Variants in AGBL1 observed in about 807,000 individuals in gnomAD.
The protein encoded by AGBL1 is AGBL carboxypeptidase 1.
A neutral mutation model predicts 118.9 loss-of-function variants in AGBL1; 130 were observed. That is an observed-to-expected ratio of 1.09 (90% confidence interval 0.95 to 1.26). The LOEUF is 1.26. AGBL1 is among the 50% of genes most tolerant of loss of function. The pLI is 0.00. For synonymous variants in AGBL1, 555 were observed against 478.9 expected (o/e 1.16, Z -2.08); for missense variants, 1,584 against 1,298.1 (o/e 1.22, Z -3.38).
intron 22 of AGBL1, among the ~76,000 whole-genome samples, chr15:86,681,651 C>A (rs1030481869): frequency 6.6e-6 from 1 of 152,194 alleles, no homozygotes. Flanking sequence ...TCATGACTTA[C>A]AATTAGTCAA....
At chr15:86,310,340 T>C (rs954568898) in intron 17 of AGBL1, among the ~76,000 whole-genome samples, 14 of 152,208 alleles carry the variant, frequency 9.2e-5, no homozygotes, top group African/African-American at 3.4e-4. Context: ...TAAAGGTTTG[T>C]CAATTTTGTT....
intron 16 of AGBL1, 47 bp downstream of exon 16, chr15:86,279,830 T>C: frequency 6.3e-7 from 1 of 1,598,462 alleles, no homozygotes; most frequent in South Asian, 1.1e-5. Context: ...GAAGGGGCTC[T>C]CTGAGGTTTT....
chr15:86,736,982 G>A (rs1452451), intron 22 of AGBL1, among the ~76,000 whole-genome samples: 2 of 152,182 alleles, frequency 1.3e-5, no homozygotes, highest in Non-Finnish European at 2.9e-5. Flanking sequence ...ATCCTAGCTT[G>A]TAACAATCCC....
intron 24 of AGBL1, among the ~76,000 whole-genome samples, chr15:87,013,280 C>T (rs2081579517): frequency 6.6e-6 from 1 of 152,064 alleles, no homozygotes; most frequent in South Asian, 2.1e-4. Context: ...GACAGGAAGG[C>T]TGGATGAAAC....
At chr15:86,466,081 G>A (rs918472585) in intron 18 of AGBL1, among the ~76,000 whole-genome samples, 7 of 152,090 alleles carry the variant, frequency 4.6e-5, no homozygotes, top group African/African-American at 7.2e-5. Context: ...TTCTCAGACC[G>A]GCCGACACTT....
At chr15:86,195,023 A>G (rs1306118440) in intron 5 of AGBL1, among the ~76,000 whole-genome samples, 1 of 152,154 alleles carries the variant, frequency 6.6e-6, no homozygotes, top group Non-Finnish European at 1.5e-5. Flanking sequence ...TGAGTGATTT[A>G]CTTCTTCAAT....
intron 21 of AGBL1, among the ~76,000 whole-genome samples, chr15:86,566,185 T>C (rs971586064): frequency 1.3e-5 from 2 of 152,262 alleles, no homozygotes; most frequent in African/African-American, 4.8e-5. Context: ...GGTACCTCAG[T>C]TGGAAATGCA....
chr15:86,290,230 A>G (rs577743641), intron 16 of AGBL1, among the ~76,000 whole-genome samples: 1 of 151,908 alleles, frequency 6.6e-6, no homozygotes, highest in African/African-American at 2.4e-5. Context: ...ATATTTTTAG[A>G]TAGTCATTTA....
At chr15:86,580,536 ACATACATTTATG>A (rs1555427928) in intron 21 of AGBL1, among the ~76,000 whole-genome samples, 4 of 152,030 alleles carry the variant, frequency 2.6e-5, no homozygotes, top group Non-Finnish European at 5.9e-5. Flanking sequence ...CTCAGTCTGT[ACATACATTTATG>A]GATCATTAAT....
intron 18 of AGBL1, among the ~76,000 whole-genome samples, chr15:86,500,195 T>A (rs1047003494): frequency 6.6e-6 from 1 of 151,854 alleles, no homozygotes; most frequent in African/African-American, 2.4e-5. Flanking sequence ...GGCTGGCGGT[T>A]GGAGTCATTC....
chr15:86,215,534 G>C (rs185182236), intron 5 of AGBL1, among the ~76,000 whole-genome samples: 15 of 152,254 alleles, frequency 9.9e-5, no homozygotes, highest in African/African-American at 3.1e-4. Context: ...GCTAGTGCCA[G>C]TGCTCAATGT....
rs1415307184 is a variant in AGBL1, at chr15:86,526,573, T to TATACAC, written c.2685+3635_2685+3636insTACACA. 1.2e-4 allele frequency among the ~76,000 whole-genome samples: 14 copies of TATACAC among 117,604 alleles called. No individual in the cohort carries two copies. The East Asian group carries it at 2.7e-3, about 23-fold the overall frequency. 77.2% of individuals were successfully genotyped at this position (117,604 alleles called of 152,430 possible). Reference sequence around the variant, plus strand: ...ATATATATATATATATATATATATATACACACAGAGTATATATATGTATAT... The same window carrying TATACAC: ...ATATATATATATATATATATATATATATACACACACACAGAGTATATATATGTATAT... On this transcript the variant is annotated intron_variant, in intron 19 of 22. Coordinates refer to ENST00000614907, the MANE Select transcript of AGBL1 (RefSeq NM_001386094.1).
chr15:86,961,121 TG>T (rs1274091588), intron 23 of AGBL1, among the ~76,000 whole-genome samples: 1 of 152,098 alleles, frequency 6.6e-6, no homozygotes, highest in Non-Finnish European at 1.5e-5. Context: ...ATGGTAACTA[TG>T]TGACATAATA....
chr15:86,279,570 C>T, intron 15 of AGBL1, 69 bp from the exon 16 acceptor site: 1 of 1,466,172 alleles, frequency 6.8e-7, no homozygotes, highest in South Asian at 1.2e-5. Context: ...GCATCTAGGA[C>T]CCTAAATGAC....
At chr15:86,393,918 C>A (rs1221848790) in intron 17 of AGBL1, among the ~76,000 whole-genome samples, 1 of 152,114 alleles carries the variant, frequency 6.6e-6, no homozygotes, top group South Asian at 2.1e-4. Flanking sequence ...ACTCAGTTGT[C>A]CCTTCCACAT....
chr15:87,022,017 G>T (rs1027665528), intron 24 of AGBL1, among the ~76,000 whole-genome samples: 2 of 152,088 alleles, frequency 1.3e-5, no homozygotes, highest in Non-Finnish European at 2.9e-5. Flanking sequence ...TGGTAGACTT[G>T]CTGGGTGGCT....
At chr15:86,559,677 T>G (rs2083785949) in intron 21 of AGBL1, among the ~76,000 whole-genome samples, 1 of 152,208 alleles carries the variant, frequency 6.6e-6, no homozygotes, top group African/African-American at 2.4e-5. Flanking sequence ...AAAATCAGTT[T>G]CATTATTATT....
At chr15:86,129,879 G>C (rs1437034531) in intron 1 of AGBL1, among the ~76,000 whole-genome samples, 1 of 152,118 alleles carries the variant, frequency 6.6e-6, no homozygotes, top group Non-Finnish European at 1.5e-5. Flanking sequence ...TGGACAGAAA[G>C]GCATAAATTT....
At chr15:86,510,959 C>T (rs2083046305) in intron 18 of AGBL1, among the ~76,000 whole-genome samples, 1 of 152,016 alleles carries the variant, frequency 6.6e-6, no homozygotes, top group African/African-American at 2.4e-5. Context: ...GACATAATAT[C>T]AGCTTGGAGC....
Sources: gnomAD v4.1 joint callset for allele counts (sites outside exome capture counted in the v4.1 genomes callset) on GRCh38, gnomAD v4.1.1 for gene constraint, MANE v1.5 for transcripts, NCBI Gene and HGNC (gene_info 2026-07-23, HGNC 2026-07-21) for gene names.